Variants in SLC26A1 observed in about 807,000 individuals in gnomAD.
The protein encoded by SLC26A1 is sulfate anion transporter 1.
SLC26A1 carries 18 observed loss-of-function variants against 14.5 expected under a neutral mutation model. That is an observed-to-expected ratio of 1.24 (90% confidence interval 0.86 to 1.84). SLC26A1 has a LOEUF of 1.84. SLC26A1 is among the 40% of genes most tolerant of loss of function. The pLI is 0.00. For missense variants in SLC26A1, 1,049 were observed against 1,020.0 expected (o/e 1.03, Z -0.39); for synonymous variants, 505 against 492.0 (o/e 1.03, Z -0.35).
chr4:985,236 C>T (rs1253069978), downstream of SLC26A1, among the ~76,000 whole-genome samples: 1 of 152,286 alleles, frequency 6.6e-6, no homozygotes, highest in East Asian at 1.9e-4. Flanking sequence ...GGAACGAACG[C>T]AGCAGCGTGT....
downstream of SLC26A1, among the ~76,000 whole-genome samples, chr4:983,970 G>A (rs887011891): frequency 2.0e-5 from 3 of 152,060 alleles, no homozygotes; most frequent in Admixed American, 6.6e-5. Flanking sequence ...GATTACAGAC[G>A]CATGCCACCA....
intron 2 of SLC26A1, chr4:979,519 C>T: frequency 6.2e-7 from 1 of 1,613,076 alleles, no homozygotes; most frequent in East Asian, 2.2e-5. Flanking sequence ...AAGGAAGTGG[C>T]CGGGAAGGGC....
chr4:980,248 G>T (rs1713498465), intron 2 of SLC26A1, among the ~76,000 whole-genome samples: 1 of 152,214 alleles, frequency 6.6e-6, no homozygotes, highest in African/African-American at 2.4e-5. Context: ...CTCTGGAGGG[G>T]TGATCTCTCC....
chr4:987,060 C>T (rs1357038614), downstream of SLC26A1: 3 of 1,514,286 alleles, frequency 2.0e-6, no homozygotes, highest in East Asian at 5.4e-5. Flanking sequence ...GCCCGAAGCC[C>T]CGCAGTCCCC....
chr4:988,176 G>C lies in SLC26A1; in HGVS notation c.*657C>G. ...TCCTGCAGGTCTCCCTGCAGGCTCAGGGTTGGCTGCGCCGCACCTGGCTCC... is the reference window on the plus strand; with the variant it reads ...TCCTGCAGGTCTCCCTGCAGGCTCACGGTTGGCTGCGCCGCACCTGGCTCC... On this transcript the variant is annotated 3_prime_UTR_variant, in exon 3 of 3. Transcript: ENST00000398516. The C allele has an allele frequency of 7.2e-7, 1 of 1,385,788 alleles. No homozygotes were observed. The highest frequency in any genetic ancestry group is 9.3e-7 in the Non-Finnish European group (1 of 1,070,754). The allele number at this position is 1,385,788 out of a possible 1,614,324, so 85.8% of individuals were successfully genotyped here.
intron 2 of SLC26A1, among the ~76,000 whole-genome samples, chr4:982,616 C>T (rs1713579280): frequency 6.6e-6 from 1 of 152,334 alleles, no homozygotes; most frequent in African/African-American, 2.4e-5. Flanking sequence ...CCAGTGGCTT[C>T]TTCCCCACGT....
chr4:989,663 C>T lies in SLC26A1; in HGVS notation c.1276G>A (p.Val426Met). 6 of 1,579,192 alleles carry T rather than the reference C, an allele frequency of 3.8e-6. No homozygotes were observed. The highest frequency in any genetic ancestry group is 4.3e-6 in the Non-Finnish European group (5 of 1,163,638). The change falls in exon 3 of 3, where the codon GTG becomes ATG. Residue 426 changes from valine to methionine, a missense_variant. Val to Met is a conservative substitution (Grantham distance 21, BLOSUM62 1). Transcript: ENST00000398516. ...SVVSATVVLL[V>M]LLALAPLFHD... ...AACAGCGGTGCCAGCGCCAGCAGCA[C>T]CAGCAGCACCACGGTGGCGCTGACC... is the stretch of plus-strand genomic sequence containing the variant.
rs768174984 is a variant in SLC26A1 at position 988,503 on chromosome 4, G to C, written c.*330C>G. ...GCACCTTGGAGGCTGCATGATGGCG[G>C]GGGACCCTTGTTCAAATAAGATGTC... On this transcript the variant is annotated 3_prime_UTR_variant, in exon 3 of 3. Coordinates refer to ENST00000398516, the MANE Select transcript of SLC26A1 (RefSeq NM_022042.4). The C allele has an allele frequency of 4.3e-6, 5 of 1,155,432 alleles. No homozygotes were observed. Among genetic ancestry groups the C allele is most frequent in the Non-Finnish European group, 5.3e-6 (5 of 936,968 alleles). The allele number at this position is 1,155,432 out of a possible 1,614,324, so 71.6% of individuals were successfully genotyped here.
intron 2 of SLC26A1, 30 bp from the exon 3 acceptor site, chr4:990,392 G>T: frequency 6.5e-7 from 1 of 1,543,550 alleles, no homozygotes; most frequent in East Asian, 2.3e-5. Flanking sequence ...AGGCCAGCAG[G>T]CGCCTGGCGG....
Position 988,231 on chromosome 4 carries a change from T to C in SLC26A1, c.*602A>G. On this transcript the variant is annotated 3_prime_UTR_variant, in exon 3 of 3. Coordinates refer to ENST00000398516, the MANE Select transcript of SLC26A1 (RefSeq NM_022042.4). Reference sequence around the variant, plus strand: ...GCACCCGTGAGCATCCCTGTGTGTGTCTGCTGGCCAGGCTGGGTAGGGCCA... The same window carrying C: ...GCACCCGTGAGCATCCCTGTGTGTGCCTGCTGGCCAGGCTGGGTAGGGCCA... 1.5e-6 allele frequency: 2 copies of C among 1,297,410 alleles called. No homozygotes were observed. Among genetic ancestry groups the C allele is most frequent in the Non-Finnish European group, 2.0e-6 (2 of 1,017,142 alleles). The allele number at this position is 1,297,410 out of a possible 1,614,324, so 80.4% of individuals were successfully genotyped here.
At chr4:992,855 G>A (rs764653969) in intron 1 of SLC26A1, 1 of 152,250 alleles carries the variant, frequency 6.6e-6, no homozygotes, top group Non-Finnish European at 1.5e-5. Flanking sequence ...TCTTCTCAGC[G>A]ACGTTAGGCA....
At chr4:980,607 G>T (rs2153013737) in intron 2 of SLC26A1, among the ~76,000 whole-genome samples, 1 of 149,552 alleles carries the variant, frequency 6.7e-6, no homozygotes, top group Non-Finnish European at 1.5e-5. Flanking sequence ...AAAAAAAAGT[G>T]CTGTTAATAC....
intron 1 of SLC26A1, 173 bp from the exon 2 acceptor site, chr4:991,903 G>T: frequency 8.6e-7 from 1 of 1,158,576 alleles, no homozygotes; most frequent in Non-Finnish European, 1.2e-6. Context: ...CGGTATGGAT[G>T]GACGCTGGGC....
chr4:987,244 T>C, downstream of SLC26A1: 1 of 1,514,010 alleles, frequency 6.6e-7, no homozygotes, highest in Middle Eastern at 2.3e-4. Flanking sequence ...AGGCTTCTGG[T>C]GAGCGCTCCG....
At position 991,176 on chromosome 4, in the gene SLC26A1, G is replaced by T. The variant is rs561308977; in HGVS notation, c.528C>A (p.Tyr176Ter). 6.3e-5 allele frequency: 99 copies of T among 1,580,772 alleles called. No homozygotes were observed. The East Asian group carries it at 1.6e-3, about 25-fold the overall frequency. ...AAMLDCGRDC[Y>*]AIRVATALTL... The stretch of plus-strand genomic sequence containing the variant: ...TGAGGGCGGTGGCGACACGGATGGC[G>T]TAGCAGTCACGCCCGCAGTCCAGCA... The change falls in exon 2 of 3, where the codon TAC becomes TAA. Residue 176 changes from tyrosine (Y) to a stop codon, truncating the protein, a stop_gained. Transcript: ENST00000398516. LOFTEE classifies it low-confidence loss of function (END_TRUNC).
downstream of SLC26A1, among the ~76,000 whole-genome samples, chr4:984,656 C>T (rs1022632208): frequency 5.9e-5 from 9 of 152,050 alleles, no homozygotes; most frequent in Admixed American, 5.9e-4. Context: ...GATGGTAAAA[C>T]GCTGTCTCTA....
chr4:989,648 CCAGCGCCAG>C lies in SLC26A1; in HGVS notation c.1282_1290del (p.Leu428_Leu430del), dbSNP rs777165400. 18 of 1,590,954 alleles carry C rather than the reference CCAGCGCCAG, an allele frequency of 1.1e-5. No homozygotes were observed. Among genetic ancestry groups the C allele is most frequent in the Non-Finnish European group, 1.4e-5 (16 of 1,170,086 alleles). On this transcript the variant is annotated inframe_deletion, in exon 3 of 3. Transcript: ENST00000398516. ...CGCTGTAGGTCGTGGAACAGCGGTG[CCAGCGCCAG>C]CAGCACCAGCAGCACCACGGTGGCG...
In SLC26A1 at chr4:991,215, G is replaced by A. The variant is rs201107401; in HGVS notation, c.489C>T (p.Asn163=). The change falls in exon 2 of 3, where the codon AAC becomes AAT. Residue 163 remains asparagine (N), a synonymous_variant. Transcript: ENST00000398516. ...LQPGANSSTL[N]GSAAMLDCGR... ...CGCAGTCCAGCATGGCAGCCGAGCC[G>A]TTGAGGGTGCTGCTGTTGGCTCCGG... The A allele has an allele frequency of 2.9e-5, 47 of 1,609,060 alleles. No homozygotes were observed. Among genetic ancestry groups the A allele is most frequent in the East Asian group, 1.6e-4 (7 of 44,786 alleles).
chr4:984,217 C>T (rs1713631549), downstream of SLC26A1, among the ~76,000 whole-genome samples: 3 of 152,188 alleles, frequency 2.0e-5, no homozygotes, highest in Non-Finnish European at 4.4e-5. Flanking sequence ...TCAAGTGTAT[C>T]ATTCAATAAA....
Sources: gnomAD v4.1 joint callset for allele counts (sites outside exome capture counted in the v4.1 genomes callset) on GRCh38, gnomAD v4.1.1 for gene constraint, MANE v1.5 for transcripts, NCBI Gene and HGNC (gene_info 2026-07-23, HGNC 2026-07-21) for gene names.